MGLL: variants seen among roughly 807,000 people sequenced by gnomAD.
The protein encoded by MGLL is monoglyceride lipase.
A neutral mutation model predicts 29.1 loss-of-function variants in MGLL; 7 were observed. The observed-to-expected ratio is 0.24, with a 90% confidence interval of 0.14 to 0.45. MGLL has a LOEUF of 0.45. MGLL is among the 20% of genes least tolerant of loss of function. MGLL has a pLI of 0.99. For missense variants in MGLL, 356 were observed against 413.6 expected (o/e 0.86, Z 1.21); for synonymous variants, 148 against 168.3 (o/e 0.88, Z 0.93).
intron 5 of MGLL, among the ~76,000 whole-genome samples, chr3:127,719,044 A>C (rs1054832678): frequency 6.6e-6 from 1 of 152,172 alleles, no homozygotes; most frequent in Admixed American, 6.5e-5. Context: ...GGGCAAAGGG[A>C]AACCTCATTT....
chr3:127,814,132 CA>C (rs1423046528), intron 2 of MGLL, among the ~76,000 whole-genome samples: 1 of 152,090 alleles, frequency 6.6e-6, no homozygotes, highest in Non-Finnish European at 1.5e-5. Context: ...TCACCATATA[CA>C]AGAGACTTTG....
At chr3:127,812,802 A>C (rs2077687588) in intron 2 of MGLL, among the ~76,000 whole-genome samples, 1 of 152,194 alleles carries the variant, frequency 6.6e-6, no homozygotes, top group Non-Finnish European at 1.5e-5. Flanking sequence ...TTTAAAGATG[A>C]GAAAACTGCT....
chr3:127,778,162 T>G (rs992838310), intron 3 of MGLL, among the ~76,000 whole-genome samples: 1 of 152,236 alleles, frequency 6.6e-6, no homozygotes, highest in Non-Finnish European at 1.5e-5. Context: ...AGCATCAGAT[T>G]TACAGAAGCC....
intron 6 of MGLL, among the ~76,000 whole-genome samples, chr3:127,705,255 A>T (rs1476205844): frequency 6.6e-6 from 1 of 152,176 alleles, no homozygotes; most frequent in Non-Finnish European, 1.5e-5. Flanking sequence ...GAGCATCAGG[A>T]TAAATAGCTA....
intron 6 of MGLL, among the ~76,000 whole-genome samples, chr3:127,703,298 A>C (rs928973603): frequency 6.6e-6 from 1 of 152,222 alleles, no homozygotes; most frequent in Non-Finnish European, 1.5e-5. Flanking sequence ...CAGGGATTTG[A>C]GGAATAATAA....
chr3:127,741,871 A>T (rs370382537), intron 3 of MGLL, among the ~76,000 whole-genome samples: 7 of 152,232 alleles, frequency 4.6e-5, no homozygotes, highest in East Asian at 3.9e-4. Context: ...ATAATCTGTG[A>T]TTTTTTTGCA....
At chr3:127,739,958 G>GAC (rs2076308274) in intron 3 of MGLL, among the ~76,000 whole-genome samples, 1 of 152,174 alleles carries the variant, frequency 6.6e-6, no homozygotes, top group Non-Finnish European at 1.5e-5. Flanking sequence ...CCTGGGGCCA[G>GAC]ACACACACAC....
chr3:127,804,774 T>C (rs1559981592), intron 2 of MGLL, among the ~76,000 whole-genome samples: 1 of 152,146 alleles, frequency 6.6e-6, no homozygotes, highest in Non-Finnish European at 1.5e-5. Flanking sequence ...GGGCCAGGCC[T>C]GCCACCCCAG....
At chr3:127,792,776 T>C (rs1216983848) in intron 2 of MGLL, among the ~76,000 whole-genome samples, 1 of 152,198 alleles carries the variant, frequency 6.6e-6, no homozygotes, top group Non-Finnish European at 1.5e-5. Flanking sequence ...ACCAGTTCAC[T>C]TCTCTAGGCT....
At chr3:127,717,664 T>A (rs1027047286) in intron 5 of MGLL, among the ~76,000 whole-genome samples, 2 of 152,176 alleles carry the variant, frequency 1.3e-5, no homozygotes. Flanking sequence ...TCATTTAGAA[T>A]GATTACTCTC....
chr3:127,796,815 A>C (rs1354052430), intron 2 of MGLL, among the ~76,000 whole-genome samples: 5 of 152,254 alleles, frequency 3.3e-5, no homozygotes, highest in Non-Finnish European at 7.3e-5. Flanking sequence ...AAGCCACAGC[A>C]AAGATGTATT....
At chr3:127,734,820 G>GC (rs2076215990) in intron 3 of MGLL, among the ~76,000 whole-genome samples, 1 of 152,224 alleles carries the variant, frequency 6.6e-6, no homozygotes, top group South Asian at 2.1e-4. Flanking sequence ...AGGCACACGG[G>GC]CTGAGGCTCT....
chr3:127,737,748 AAC>A (rs1465984132), intron 3 of MGLL, among the ~76,000 whole-genome samples: 2 of 144,726 alleles, frequency 1.4e-5, no homozygotes. Flanking sequence ...GGGTTGAAGC[AAC>A]TCTCCTGCCT....
At chr3:127,730,843 T>G (rs1005746128) in intron 3 of MGLL, among the ~76,000 whole-genome samples, 1 of 152,198 alleles carries the variant, frequency 6.6e-6, no homozygotes, top group Non-Finnish European at 1.5e-5. Context: ...AAAACAGTCC[T>G]GAGTGAACGA....
At chr3:127,713,148 G>A (rs2075751309) in intron 5 of MGLL, 1 of 152,238 alleles carries the variant, frequency 6.6e-6, no homozygotes, top group Admixed American at 6.5e-5. Context: ...TAGATATTCT[G>A]CTGTTCTCAG....
At chr3:127,778,261 T>A (rs1449644187) in intron 3 of MGLL, among the ~76,000 whole-genome samples, 2 of 152,352 alleles carry the variant, frequency 1.3e-5, no homozygotes, top group East Asian at 3.9e-4. Flanking sequence ...TCCTATCTAT[T>A]GCTTCACTGT....
chr3:127,720,026 T>A (rs903741442), intron 5 of MGLL, among the ~76,000 whole-genome samples: 6 of 152,356 alleles, frequency 3.9e-5, no homozygotes, highest in Admixed American at 3.9e-4. Flanking sequence ...TCTGTGGTCA[T>A]GGGCTGAAGG....
At chr3:127,800,595 G>A (rs1263677558) in intron 2 of MGLL, among the ~76,000 whole-genome samples, 2 of 152,232 alleles carry the variant, frequency 1.3e-5, no homozygotes, top group South Asian at 2.1e-4. Flanking sequence ...TTTCCTGCCT[G>A]TGGAGCCCCA....
intron 4 of MGLL, among the ~76,000 whole-genome samples, 178 bp downstream of exon 4, chr3:127,722,252 G>A (rs1381655958): frequency 6.6e-6 from 1 of 152,226 alleles, no homozygotes; most frequent in Non-Finnish European, 1.5e-5. Flanking sequence ...CCGGCTGGCA[G>A]CCTCCCTTGT....
Sources: allele counts gnomAD v4.1 joint callset (sites outside exome capture counted in the v4.1 genomes callset), GRCh38; gene constraint gnomAD v4.1.1; transcripts MANE v1.5; gene names NCBI Gene and HGNC (gene_info 2026-07-23, HGNC 2026-07-21).